Variants in CUBN observed in about 807,000 individuals in gnomAD.
The protein encoded by CUBN is 460 kDa receptor.
In CUBN, 282 loss-of-function variants were observed where a neutral mutation model predicts 405.3. The observed-to-expected ratio is 0.70, with a 90% CI of 0.63 to 0.77. The LOEUF (loss-of-function observed/expected upper bound fraction) is 0.77. Among genes scored for constraint, CUBN ranks in the 30% least tolerant of loss-of-function variants. CUBN has a pLI of 0.00. For synonymous variants in CUBN, 1,684 were observed against 1,617.0 expected (o/e 1.04, Z -0.99); for missense variants, 4,514 against 4,475.2 (o/e 1.01, Z -0.25).
At chr10:16,952,150 C>T (rs1564443830) in intron 33 of CUBN, 126 bp downstream of exon 33, 2 of 720,254 alleles carry the variant, frequency 2.8e-6, no homozygotes, top group Non-Finnish European at 5.1e-6. Flanking sequence ...GGAATTGGGA[C>T]TTGCAAAAGA....
intron 28 of CUBN, among the ~76,000 whole-genome samples, chr10:16,997,596 G>A (rs1207716721): frequency 6.6e-6 from 1 of 152,136 alleles, no homozygotes; most frequent in Non-Finnish European, 1.5e-5. Context: ...TTCCTGGAGT[G>A]AGTATACAGG....
At chr10:16,874,571 G>A (rs1291984325) in intron 57 of CUBN, 68 bp from the exon 58 acceptor site, 5 of 1,579,726 alleles carry the variant, frequency 3.2e-6, no homozygotes, top group Non-Finnish European at 4.3e-6. Context: ...ATGATTTTAA[G>A]AGATTCTATA....
chr10:16,925,364 A>C lies in CUBN; in HGVS notation c.6523T>G (p.Phe2175Val). Residue 2175 changes from phenylalanine (F) to valine (V), a missense_variant, in exon 43 of 67, where the codon TTT (phenylalanine) becomes GTT (valine). By Grantham distance (50) the Phe-to-Val change is conservative. Coordinates refer to ENST00000377833, the MANE Select transcript of CUBN (RefSeq NM_001081.4). ...PLGPPGGNGH[F>V]CGSHASSTLF... The stretch of plus-strand genomic sequence containing the variant: ...GTTGATGAAGCATGACTGCCACAAA[A>C]ATGACCATTTCCTCCAGGGGGTCCC... 6.2e-7 allele frequency: 1 copy of C among 1,614,000 alleles called. No homozygotes were observed. The highest frequency in any genetic ancestry group is 8.5e-7 in the Non-Finnish European group (1 of 1,179,886).
intron 31 of CUBN, 112 bp downstream of exon 31, chr10:16,982,372 A>G: frequency 1.0e-6 from 1 of 964,116 alleles, no homozygotes; most frequent in South Asian, 1.4e-5. Context: ...TTGGTTTCCT[A>G]TGAATCGACA....
intron 64 of CUBN, among the ~76,000 whole-genome samples, chr10:16,834,406 G>C (rs1359570776): frequency 2.0e-5 from 3 of 152,052 alleles, no homozygotes; most frequent in Non-Finnish European, 4.4e-5. Context: ...GGAGTGGGGG[G>C]TGGGTGTGTG....
Position 16,904,035 on chromosome 10 carries a change from C to T in CUBN, c.7993G>A (p.Val2665Ile). The change falls in exon 51 of 67, where the codon GTA becomes ATA. Residue 2665 changes from valine (V) to isoleucine (I), a missense_variant. Physicochemically the swap from Val to Ile is conservative, Grantham distance 29. This residue lies in a region of CUBN where 1,186 missense variants were observed against 1,186.9 expected (regional missense o/e 1.00). Coordinates refer to ENST00000377833, the MANE Select transcript of CUBN (RefSeq NM_001081.4). Reference protein sequence around the residue: ...TLPLVIPYSQVWIHFVTNERV... With the variant: ...TLPLVIPYSQIWIHFVTNERV... The stretch of plus-strand genomic sequence containing the variant: ...TCGTTGGTGACAAAGTGAATCCATA[C>T]CTGAGAATAAGGTATAACCAATGGC... 6.2e-7 allele frequency: 1 copy of T among 1,613,408 alleles called. No individual in the cohort carries two copies. Among genetic ancestry groups the T allele is most frequent in the Non-Finnish European group, 8.5e-7 (1 of 1,179,426 alleles).
intron 55 of CUBN, among the ~76,000 whole-genome samples, chr10:16,889,826 C>A (rs1454035539): frequency 6.6e-6 from 1 of 151,036 alleles, no homozygotes; most frequent in Non-Finnish European, 1.5e-5. Flanking sequence ...AGCTTGAACC[C>A]AGGAGGTGGA....
In CUBN at chr10:17,042,355, C is replaced by T. The variant is rs1835038946; in HGVS notation, c.3830-1135G>A. On this transcript the variant is annotated intron_variant, in intron 26 of 66. Coordinates refer to ENST00000377833, the MANE Select transcript of CUBN (RefSeq NM_001081.4). The stretch of plus-strand genomic sequence containing the variant: ...GGGCAACACAGGGCCCAGGAAAATA[C>T]ATTCCAGTAAACCACATGGGCCACT... 5.3e-5 allele frequency among the ~76,000 whole-genome samples: 8 copies of T among 152,252 alleles called. No homozygotes were observed. In the South Asian group the frequency reaches 1.7e-3, roughly 32 times the overall value.
intron 59 of CUBN, among the ~76,000 whole-genome samples, chr10:16,862,166 A>T (rs1385195553): frequency 3.0e-5 from 4 of 135,028 alleles, no homozygotes; most frequent in African/African-American, 1.5e-4. Context: ...TCTCTCACAC[A>T]CACACACACA....
At position 16,987,113 on chromosome 10, in the gene CUBN, G is replaced by T. The variant is rs568729394; in HGVS notation, c.4351-2834C>A. Among the ~76,000 whole-genome samples, 3 of 152,304 alleles carry T rather than the reference G, an allele frequency of 2.0e-5. No homozygotes were observed. The South Asian group carries it at 6.2e-4, about 32-fold the overall frequency. On this transcript the variant is annotated intron_variant, in intron 29 of 66. Transcript: ENST00000377833. ...AATTGTCCTGGTTTACTGCTCCAAG[G>T]AGTGGATTTCCTTTTCTGCCTAATG...
intron 62 of CUBN, among the ~76,000 whole-genome samples, chr10:16,836,621 C>G (rs950952588): frequency 6.6e-6 from 1 of 152,234 alleles, no homozygotes; most frequent in African/African-American, 2.4e-5. Context: ...AGACATTTCC[C>G]TGCTGAAAAT....
chr10:16,825,628 A>T (rs935837828), intron 66 of CUBN, among the ~76,000 whole-genome samples: 5 of 136,010 alleles, frequency 3.7e-5, no homozygotes, highest in South Asian at 2.5e-4. Context: ...TCTGTGGAAC[A>T]GTGTGTGTGT....
intron 31 of CUBN, among the ~76,000 whole-genome samples, chr10:16,979,868 T>C (rs2131690136): frequency 6.6e-6 from 1 of 152,296 alleles, no homozygotes; most frequent in Non-Finnish European, 1.5e-5. Context: ...AAAGAGCTTC[T>C]TCATAGCAAA....
rs115376431 is a variant in CUBN at position 16,954,628 on chromosome 10, G to A, written c.4696-80C>T. 11,546 of 1,434,814 alleles carry A rather than the reference G, an allele frequency of 8.0e-3. 719 individuals carry two copies. In the African/African-American group the frequency reaches 0.14, roughly 17 times the overall value. The allele number at this position is 1,434,814 out of a possible 1,614,324, so 88.9% of individuals were successfully genotyped here. On this transcript the variant is annotated intron_variant, in intron 31 of 66. Coordinates refer to ENST00000377833, the MANE Select transcript of CUBN (RefSeq NM_001081.4). ...GTATTCCACGAACTGTCTGCACGCC[G>A]ATATACTAGTGGATAATCACACGTT...
intron 51 of CUBN, among the ~76,000 whole-genome samples, chr10:16,901,958 T>C (rs547207028): frequency 1.7e-4 from 23 of 137,186 alleles, no homozygotes; most frequent in Admixed American, 3.8e-4. Context: ...TATATATATA[T>C]ACACCATATA....
At position 16,925,797 on chromosome 10, in the gene CUBN, C is replaced by T. The variant is rs200731864; in HGVS notation, c.6272-23G>A. 280 of 1,611,044 alleles carry T rather than the reference C, an allele frequency of 1.7e-4. 1 individual carries two copies. Among genetic ancestry groups the T allele is most frequent in the Middle Eastern group, 9.9e-4 (6 of 6,050 alleles). On this transcript the variant is annotated intron_variant, in intron 41 of 66. Coordinates refer to ENST00000377833, the MANE Select transcript of CUBN (RefSeq NM_001081.4). ...AGCCTTCCCACAAAGAAACAAAGGTCGGTTATTTAAATAGCATTGGCAACT... is the reference window on the plus strand; with the variant it reads ...AGCCTTCCCACAAAGAAACAAAGGTTGGTTATTTAAATAGCATTGGCAACT...
chr10:16,984,690 A>G (rs1032643655), intron 29 of CUBN, among the ~76,000 whole-genome samples: 8 of 152,174 alleles, frequency 5.3e-5, no homozygotes, highest in Non-Finnish European at 1.0e-4. Flanking sequence ...GAAATGTCTG[A>G]TTTTCTAACT....
intron 44 of CUBN, 127 bp from the exon 45 acceptor site, chr10:16,918,927 A>T: frequency 1.1e-6 from 1 of 894,528 alleles, no homozygotes; most frequent in Non-Finnish European, 1.8e-6. Flanking sequence ...ACTATGATAG[A>T]ATCAGCATAA....
At chr10:17,114,241 A>G in intron 7 of CUBN, 52 bp from the exon 8 acceptor site, 9 of 1,577,946 alleles carry the variant, frequency 5.7e-6, no homozygotes, top group Non-Finnish European at 7.8e-6. Flanking sequence ...ATCAGCAAGA[A>G]AAGCCTTTGA....
Sources: allele counts gnomAD v4.1 joint callset (sites outside exome capture counted in the v4.1 genomes callset), GRCh38; gene constraint gnomAD v4.1.1; regional missense constraint gnomAD v4.1.1; transcripts MANE v1.5; gene names NCBI Gene and HGNC (gene_info 2026-07-23, HGNC 2026-07-21).